SRPK2: variants seen among roughly 807,000 people sequenced by gnomAD.
The protein encoded by SRPK2 is SRSF protein kinase 2.
Under a neutral mutation model 90.8 loss-of-function variants are expected in SRPK2, and 21 were observed. The observed-to-expected ratio is 0.23, with a 90% CI of 0.16 to 0.33. SRPK2 has a LOEUF of 0.33. SRPK2 is among the 10% of genes least tolerant of loss of function. The pLI is 1.00. For synonymous variants in SRPK2, 288 were observed against 311.1 expected (o/e 0.93, Z 0.78); for missense variants, 620 against 869.0 (o/e 0.71, Z 3.60).
At chr7:105,341,690 C>T (rs1164952580) in intron 2 of SRPK2, among the ~76,000 whole-genome samples, 1 of 151,936 alleles carries the variant, frequency 6.6e-6, no homozygotes, top group African/African-American at 2.4e-5. Context: ...AAACAGGGGA[C>T]GGGAGTGGTG....
rs1584933593 is a variant in SRPK2 at position 105,142,565 on chromosome 7, T to C, written c.1061-75A>G. 6.0e-6 allele frequency: 9 copies of C among 1,507,338 alleles called. No individual in the cohort carries two copies. The South Asian group carries it at 6.8e-5, about 11-fold the overall frequency. The allele number at this position is 1,507,338 out of a possible 1,614,324, so 93.4% of individuals were successfully genotyped here. Reference sequence around the variant, plus strand: ...CAGCCTCATTAAGTACTTATCTCCATCAATAAAATACATTTTGAATATGCT... The same window carrying C: ...CAGCCTCATTAAGTACTTATCTCCACCAATAAAATACATTTTGAATATGCT... On this transcript the variant is annotated intron_variant, in intron 10 of 15. Transcript: ENST00000393651.
At chr7:105,168,572 T>C (rs910562735) in intron 4 of SRPK2, among the ~76,000 whole-genome samples, 1 of 152,146 alleles carries the variant, frequency 6.6e-6, no homozygotes, top group Non-Finnish European at 1.5e-5. Flanking sequence ...CCACATTAAA[T>C]AGTAGTATGG....
chr7:105,372,435 G>A (rs186406848), intron 2 of SRPK2, among the ~76,000 whole-genome samples: 2 of 152,162 alleles, frequency 1.3e-5, no homozygotes, highest in African/African-American at 2.4e-5. Context: ...TTCTCACTGG[G>A]GAATGAGGAA....
upstream of SRPK2, chr7:105,389,237 T>C (rs1003392126): frequency 8.0e-7 from 1 of 1,249,318 alleles, no homozygotes; most frequent in Non-Finnish European, 1.0e-6. Context: ...GCCTCTCCCC[T>C]CCGCACCCCG....
chr7:105,316,022 ATTTTTT>A (rs11330337), intron 2 of SRPK2, among the ~76,000 whole-genome samples: 3 of 128,648 alleles, frequency 2.3e-5, no homozygotes, highest in Non-Finnish European at 4.8e-5. Context: ...TCTTTAGGTA[ATTTTTT>A]TTTTTTTTTT....
rs377710647 is a variant in SRPK2 at position 105,142,117 on chromosome 7, G to A, written c.1434C>T (p.Cys478=). 3.7e-5 allele frequency: 60 copies of A among 1,614,030 alleles called. No individual in the cohort carries two copies. The highest frequency in any genetic ancestry group is 4.2e-5 in the Non-Finnish European group (50 of 1,180,026). The part of the protein sequence containing the change: ...LFSGSLEPVA[C]GSVLSEGSPL... ...GTGATCCCTCAGAAAGCACAGAGCC[G>A]CAGGCCACAGGTTCTAAGGATCCAG... The change falls in exon 11 of 16, where the codon TGC becomes TGT. Residue 478 remains cysteine, a synonymous_variant. Transcript: ENST00000393651.
intron 2 of SRPK2, among the ~76,000 whole-genome samples, chr7:105,375,983 CTTTTTTT>C (rs34445430): frequency 3.0e-4 from 19 of 63,176 alleles, no homozygotes; most frequent in East Asian, 1.2e-3. Context: ...GAATTCATTT[CTTTTTTT>C]TTTTTTTTTT....
chr7:105,320,598 G>C (rs1812828746), intron 2 of SRPK2, among the ~76,000 whole-genome samples: 1 of 152,062 alleles, frequency 6.6e-6, no homozygotes, highest in Non-Finnish European at 1.5e-5. Flanking sequence ...TAATAATTTA[G>C]CCATTTAGTT....
rs1267897077 is a variant in SRPK2 at position 105,349,643 on chromosome 7, T to A, written c.71+39005A>T. On this transcript the variant is annotated intron_variant, in intron 2 of 15. Transcript: ENST00000393651. Reference sequence around the variant, plus strand: ...TTCACAAATATCCATGTGAAAGTCCTAGGGTCAAGGACTGGCTAAGCCCAA... The same window carrying A: ...TTCACAAATATCCATGTGAAAGTCCAAGGGTCAAGGACTGGCTAAGCCCAA... 2.0e-5 allele frequency among the ~76,000 whole-genome samples: 3 copies of A among 152,074 alleles called. No individual in the cohort carries two copies. In the East Asian group the frequency reaches 5.8e-4, roughly 29 times the overall value.
chr7:105,183,974 A>ATTTTT (rs57622134), intron 3 of SRPK2, among the ~76,000 whole-genome samples: 24 of 116,274 alleles, frequency 2.1e-4, no homozygotes, highest in African/African-American at 3.1e-4. Flanking sequence ...ACTATTACCA[A>ATTTTT]TTTTTTTTTT....
chr7:105,297,622 A>T (rs1809994009), intron 2 of SRPK2: 1 of 372,412 alleles, frequency 2.7e-6, no homozygotes, highest in African/African-American at 2.2e-5. Context: ...AGATTATCAC[A>T]ATCTGGCAAG....
At chr7:105,185,455 T>A (rs1242330845) in intron 3 of SRPK2, among the ~76,000 whole-genome samples, 1 of 152,158 alleles carries the variant, frequency 6.6e-6, no homozygotes, top group Admixed American at 6.5e-5. Context: ...CTCCTGCTGT[T>A]CATGGAGTGC....
chr7:105,145,614 A>G (rs962306156), intron 8 of SRPK2, among the ~76,000 whole-genome samples: 2 of 152,262 alleles, frequency 1.3e-5, no homozygotes. Context: ...ACTTAAGAAA[A>G]TGGAAAAGAA....
chr7:105,282,135 T>C (rs1807423295), intron 2 of SRPK2, among the ~76,000 whole-genome samples: 2 of 152,178 alleles, frequency 1.3e-5, no homozygotes, highest in Non-Finnish European at 2.9e-5. Context: ...TTTAAATCAA[T>C]GAAAGATAAC....
chr7:105,269,211 T>A, intron 2 of SRPK2: 2 of 475,842 alleles, frequency 4.2e-6, no homozygotes, highest in South Asian at 9.0e-5. Context: ...ACATCTGAAT[T>A]AAATATACTA....
chr7:105,288,415 GAACC>G (rs1808465882), intron 2 of SRPK2, among the ~76,000 whole-genome samples: 1 of 152,014 alleles, frequency 6.6e-6, no homozygotes, highest in South Asian at 2.1e-4. Flanking sequence ...CCAACACAGT[GAACC>G]CTATCTCTAC....
At chr7:105,174,862 G>C (rs1303979437) in intron 3 of SRPK2, among the ~76,000 whole-genome samples, 1 of 152,114 alleles carries the variant, frequency 6.6e-6, no homozygotes, top group East Asian at 1.9e-4. Flanking sequence ...AAGAGGATTC[G>C]GCTGGGCATG....
intron 2 of SRPK2, among the ~76,000 whole-genome samples, chr7:105,330,111 G>A (rs1345389552): frequency 2.6e-5 from 4 of 151,918 alleles, no homozygotes; most frequent in South Asian, 2.1e-4. Context: ...GGGAGGCCAC[G>A]GGAGGATCAC....
intron 2 of SRPK2, among the ~76,000 whole-genome samples, chr7:105,329,567 C>A (rs1814024780): frequency 6.7e-6 from 1 of 150,056 alleles, no homozygotes; most frequent in Non-Finnish European, 1.5e-5. Flanking sequence ...GCACTCCAGC[C>A]TGGACGACAG....
Sources: gnomAD v4.1 joint callset for allele counts (sites outside exome capture counted in the v4.1 genomes callset) on GRCh38, gnomAD v4.1.1 for gene constraint, MANE v1.5 for transcripts, NCBI Gene and HGNC (gene_info 2026-07-23, HGNC 2026-07-21) for gene names.